The following RBFOX2 variants were observed in gnomAD, a reference collection of about 807,000 sequenced individuals.
The protein encoded by RBFOX2 is RNA binding protein fox-1 homolog 2.
In RBFOX2, 10 loss-of-function variants were observed where a neutral mutation model predicts 49.1. The ratio of observed to expected loss-of-function variants is 0.20; its 90% confidence interval spans 0.13 to 0.35. RBFOX2 has a LOEUF of 0.35. RBFOX2 is among the 10% of genes least tolerant of loss of function. The pLI is 1.00. For synonymous variants in RBFOX2, 183 were observed against 187.4 expected (o/e 0.98, Z 0.19); for missense variants, 323 against 486.9 (o/e 0.66, Z 3.17).
At chr22:35,994,360 T>C (rs966909074) in intron 1 of RBFOX2, 1 of 151,906 alleles carries the variant, frequency 6.6e-6, no homozygotes, top group African/African-American at 2.4e-5. Context: ...GTATTTTACA[T>C]TGAGTGCATC....
intron 1 of RBFOX2, chr22:35,840,060 G>A (rs1958457400): frequency 8.0e-7 from 1 of 1,249,346 alleles, no homozygotes; most frequent in Non-Finnish European, 1.2e-6. Context: ...CTTTTCAGCT[G>A]ATAACAATAA....
intron 1 of RBFOX2, among the ~76,000 whole-genome samples, chr22:35,851,654 CTG>C: frequency 6.6e-6 from 1 of 151,944 alleles, no homozygotes; most frequent in East Asian, 1.9e-4. Context: ...TGGCAAAACC[CTG>C]TCTCTATTAA....
At position 35,761,408 on chromosome 22, in the gene RBFOX2, A is replaced by T; in HGVS notation, c.661+7T>A. ...AGCACAAGTGGAAACATTTACTTAA[A>T]TACTACCTGCATATAACTCCGGACC... On this transcript the variant is annotated splice_region_variant and intron_variant, in intron 7 of 11. Coordinates refer to ENST00000405409, the Ensembl canonical transcript of RBFOX2. The T allele has an allele frequency of 6.2e-7, 1 of 1,614,098 alleles. No individual in the cohort carries two copies. Among genetic ancestry groups the T allele is most frequent in the Non-Finnish European group, 8.5e-7 (1 of 1,179,912 alleles).
At chr22:35,868,280 T>C (rs996714348) in intron 1 of RBFOX2, among the ~76,000 whole-genome samples, 1 of 152,110 alleles carries the variant, frequency 6.6e-6, no homozygotes, top group Non-Finnish European at 1.5e-5. Context: ...TATAAACTAT[T>C]GGAACTTAAG....
chr22:35,949,518 C>G (rs912858936), intron 1 of RBFOX2, among the ~76,000 whole-genome samples: 1 of 152,190 alleles, frequency 6.6e-6, no homozygotes, highest in Non-Finnish European at 1.5e-5. Context: ...TAAATTTCCA[C>G]CGGCAAAGCA....
intron 1 of RBFOX2, among the ~76,000 whole-genome samples, chr22:35,945,516 T>C (rs771107264): frequency 6.6e-5 from 10 of 152,086 alleles, no homozygotes; most frequent in Non-Finnish European, 1.2e-4. Flanking sequence ...ACATGGCTCA[T>C]TGCAGCCTCG....
intron 1 of RBFOX2, among the ~76,000 whole-genome samples, chr22:35,861,372 G>A (rs1374168815): frequency 1.3e-5 from 2 of 152,114 alleles, no homozygotes; most frequent in Non-Finnish European, 2.9e-5. Context: ...AGCCACAACT[G>A]AGAGAAAATG....
chr22:35,858,818 C>T (rs538960850), intron 1 of RBFOX2, among the ~76,000 whole-genome samples: 23 of 138,562 alleles, frequency 1.7e-4, no homozygotes, highest in African/African-American at 5.1e-4. Context: ...AAGAGTGAGA[C>T]TCTGTCTCAA....
chr22:36,028,367 C>T (rs2059532575), exon 1 of RBFOX2: 2 of 1,381,172 alleles, frequency 1.4e-6, no homozygotes, highest in African/African-American at 3.0e-5. Flanking sequence ...CTTCATGCCC[C>T]GGGCGGCGGC....
At position 35,946,183 on chromosome 22, in the gene RBFOX2, T is replaced by C. The variant is rs186434934; in HGVS notation, c.43-7286A>G. ...CTTTACAGGTGAGGAAGCTGAGACT[T>C]AGAGAAGTGCCTTGCCCACAGTCAC... On this transcript the variant is annotated intron_variant, in intron 1 of 5. Transcript: ENST00000408983. 1.6e-4 allele frequency among the ~76,000 whole-genome samples: 24 copies of C among 152,244 alleles called. 1 individual carries two copies. The highest frequency in any genetic ancestry group is 1.3e-3 in the Admixed American group (20 of 15,294).
At chr22:35,829,364 A>G (rs975207487) in intron 1 of RBFOX2, among the ~76,000 whole-genome samples, 6 of 152,162 alleles carry the variant, frequency 3.9e-5, no homozygotes, top group African/African-American at 1.4e-4. Flanking sequence ...TATGTTCAAG[A>G]TAAAAAAGGA....
At chr22:35,866,661 G>C (rs2043714623) in intron 1 of RBFOX2, among the ~76,000 whole-genome samples, 1 of 152,070 alleles carries the variant, frequency 6.6e-6, no homozygotes, top group Non-Finnish European at 1.5e-5. Flanking sequence ...GCCTCATGTA[G>C]CCCAGACTTG....
At chr22:35,916,282 ATGTTTGTT>A (rs1166392272) in intron 1 of RBFOX2, among the ~76,000 whole-genome samples, 1 of 151,974 alleles carries the variant, frequency 6.6e-6, no homozygotes, top group Non-Finnish European at 1.5e-5. Flanking sequence ...GGGTGTTTGC[ATGTTTGTT>A]TGTTTGTTTG....
intron 1 of RBFOX2, among the ~76,000 whole-genome samples, chr22:35,834,815 AG>A (rs994113965): frequency 1.3e-5 from 2 of 152,210 alleles, no homozygotes; most frequent in Non-Finnish European, 2.9e-5. Flanking sequence ...CTGATCATGC[AG>A]GGTCACAGGA....
chr22:35,830,938 T>C (rs1956672173), intron 1 of RBFOX2, among the ~76,000 whole-genome samples: 1 of 152,094 alleles, frequency 6.6e-6, no homozygotes, highest in Non-Finnish European at 1.5e-5. Context: ...TTCATTCTAT[T>C]ATAAAAGGGA....
chr22:35,977,725 T>TATATATATATAC (rs2057249150), intron 1 of RBFOX2, among the ~76,000 whole-genome samples: 1 of 7,612 alleles, frequency 1.3e-4, no homozygotes, highest in Non-Finnish European at 3.6e-4. Context: ...GAATGAACTA[T>TATATATATATAC]ATATATATAT....
chr22:35,894,067 A>C (rs2047558371), intron 1 of RBFOX2, among the ~76,000 whole-genome samples: 1 of 152,142 alleles, frequency 6.6e-6, no homozygotes, highest in African/African-American at 2.4e-5. Context: ...TTTCTCTAAA[A>C]GTTATCACAT....
At chr22:35,860,819 C>A (rs1257305961) in intron 1 of RBFOX2, among the ~76,000 whole-genome samples, 1 of 152,144 alleles carries the variant, frequency 6.6e-6, no homozygotes, top group East Asian at 1.9e-4. Flanking sequence ...ACTATCAACA[C>A]AGTATATCTC....
intron 6 of RBFOX2, among the ~76,000 whole-genome samples, chr22:35,762,657 C>T (rs575596895): frequency 7.2e-5 from 11 of 152,068 alleles, no homozygotes; most frequent in Non-Finnish European, 1.5e-4. Context: ...AGGCACGTGC[C>T]ACCATGCCTG....
Sources: gnomAD v4.1 joint callset for allele counts (sites outside exome capture counted in the v4.1 genomes callset) on GRCh38, gnomAD v4.1.1 for gene constraint, MANE v1.5 for transcripts, NCBI Gene and HGNC (gene_info 2026-07-23, HGNC 2026-07-21) for gene names.